IRAK2: variants seen among roughly 807,000 people sequenced by gnomAD.
IRAK2 encodes the protein interleukin-1 receptor-associated kinase-like 2.
Under a neutral mutation model 72.0 loss-of-function variants are expected in IRAK2, and 57 were observed. The observed-to-expected ratio is 0.79, with a 90% confidence interval of 0.64 to 0.99. IRAK2 has a LOEUF of 0.99. IRAK2 is among the 50% of genes least tolerant of loss of function. IRAK2 has a pLI of 0.00. For missense variants in IRAK2, 790 were observed against 794.4 expected, an observed-to-expected ratio of 0.99 and a Z score of 0.07; for synonymous variants, 293 against 312.7, an observed-to-expected ratio of 0.94 and a Z score of 0.67.
intron 10 of IRAK2, among the ~76,000 whole-genome samples, chr3:10,227,982 G>A (rs779903): frequency 0.21 from 31,885 of 151,706 alleles, 4,271 homozygotes; most frequent in East Asian, 0.64. Flanking sequence ...TCTCCTGCTT[G>A]TTTCTTGTGA....
intron 12 of IRAK2, among the ~76,000 whole-genome samples, chr3:10,240,074 G>A (rs942409731): frequency 1.3e-5 from 2 of 151,126 alleles, no homozygotes; most frequent in East Asian, 3.9e-4. Context: ...TTGAACCCAA[G>A]AGGCGGAGGT....
chr3:10,166,213 T>A (rs571890095), intron 1 of IRAK2, among the ~76,000 whole-genome samples: 1 of 152,380 alleles, frequency 6.6e-6, no homozygotes, highest in African/African-American at 2.4e-5. Flanking sequence ...TTTATGACTA[T>A]CAACCTGTTT....
intron 1 of IRAK2, among the ~76,000 whole-genome samples, chr3:10,169,364 A>T (rs1457334486): frequency 6.6e-6 from 1 of 152,188 alleles, no homozygotes; most frequent in Admixed American, 6.6e-5. Flanking sequence ...GCACTGCAGG[A>T]GACCAGGGCA....
intron 2 of IRAK2, among the ~76,000 whole-genome samples, chr3:10,199,272 G>T (rs944714590): frequency 6.6e-6 from 1 of 152,132 alleles, no homozygotes; most frequent in Non-Finnish European, 1.5e-5. Context: ...CACCTTTGGG[G>T]TTTCCCAAGT....
intron 11 of IRAK2, among the ~76,000 whole-genome samples, chr3:10,235,733 G>C (rs1371100647): frequency 6.6e-6 from 1 of 152,114 alleles, no homozygotes; most frequent in African/African-American, 2.4e-5. Context: ...CACTGCTGTA[G>C]CCCAAGCCTC....
Position 10,200,397 on chromosome 3 carries a change from C to T in IRAK2, c.306C>T (p.Pro102=), listed in dbSNP as rs546140387. 1.2e-5 allele frequency: 19 copies of T among 1,599,672 alleles called. No individual in the cohort carries two copies. In the South Asian group the frequency reaches 1.7e-4, roughly 14 times the overall value. The stretch of plus-strand genomic sequence containing the variant: ...AACCGGCTCCTGAAATCAGGTGTCC[C>T]ATTCCAGCCTTCCCTGACTCTGTGA... The part of the protein sequence containing the change: ...NWKPAPEIRC[P]IPAFPDSVKP... The change falls in exon 3 of 13, where the codon CCC becomes CCT. Residue 102 remains proline, a synonymous_variant. Transcript: ENST00000256458.
At chr3:10,200,140 G>A (rs1458514082) in intron 2 of IRAK2, among the ~76,000 whole-genome samples, 1 of 151,822 alleles carries the variant, frequency 6.6e-6, no homozygotes, top group Non-Finnish European at 1.5e-5. Flanking sequence ...CACCCACCTC[G>A]GCCTCCCAAA....
At chr3:10,176,668 G>T (rs748917027) in intron 1 of IRAK2, among the ~76,000 whole-genome samples, 1 of 147,522 alleles carries the variant, frequency 6.8e-6, no homozygotes, top group Non-Finnish European at 1.5e-5. Flanking sequence ...TAGTAGAGAC[G>T]AGGTTTCACC....
At chr3:10,232,903 A>C (rs559348745) in intron 10 of IRAK2, among the ~76,000 whole-genome samples, 45 of 152,104 alleles carry the variant, frequency 3.0e-4, no homozygotes, top group Non-Finnish European at 6.3e-4. Flanking sequence ...ATCTCTACAA[A>C]AAATTTAAAA....
chr3:10,228,483 T>G (rs1697813533), intron 10 of IRAK2, among the ~76,000 whole-genome samples: 1 of 152,152 alleles, frequency 6.6e-6, no homozygotes, highest in African/African-American at 2.4e-5. Context: ...TTGAGATGGA[T>G]TTCCCAGCAG....
intron 1 of IRAK2, among the ~76,000 whole-genome samples, chr3:10,176,388 A>G (rs1696875269): frequency 6.6e-6 from 1 of 151,166 alleles, no homozygotes; most frequent in South Asian, 2.1e-4. Context: ...GCAGCCTCCA[A>G]CTCCTGGGCT....
chr3:10,230,281 A>ACC (rs369885953), intron 10 of IRAK2, among the ~76,000 whole-genome samples: 5 of 144,556 alleles, frequency 3.5e-5, no homozygotes, highest in African/African-American at 5.1e-5. Flanking sequence ...TAATAGTAGT[A>ACC]CCCCCCCCCA....
intron 10 of IRAK2, among the ~76,000 whole-genome samples, chr3:10,230,858 T>C (rs1471502696): frequency 6.6e-6 from 1 of 152,170 alleles, no homozygotes; most frequent in East Asian, 1.9e-4. Context: ...CTTCAATTGA[T>C]TCTCCTGCCT....
At chr3:10,222,418 C>CT (rs1265078797) in intron 8 of IRAK2, among the ~76,000 whole-genome samples, 1 of 152,120 alleles carries the variant, frequency 6.6e-6, no homozygotes. Context: ...GGCAGCAAGA[C>CT]TAAGTCTGAA....
chr3:10,169,982 AGCCGGTCCTGTTCGGG>A (rs1284046024), intron 1 of IRAK2, among the ~76,000 whole-genome samples: 2 of 152,220 alleles, frequency 1.3e-5, no homozygotes, highest in African/African-American at 4.8e-5. Context: ...CCGTGGCTTC[AGCCGGTCCTGTTCGGG>A]GCCCCTGACT....
intron 10 of IRAK2, among the ~76,000 whole-genome samples, chr3:10,227,185 C>T (rs556740134): frequency 3.3e-5 from 5 of 152,234 alleles, no homozygotes; most frequent in South Asian, 2.1e-4. Context: ...GTGGCTCACA[C>T]CTCTAATCCC....
chr3:10,175,276 G>A (rs1719572), intron 1 of IRAK2, among the ~76,000 whole-genome samples: 31,462 of 151,814 alleles, frequency 0.21, 4,336 homozygotes, highest in Non-Finnish European at 0.3. Context: ...ACAGGCGTGT[G>A]TTACCACACC....
chr3:10,218,307 C>G (rs1697636025), intron 7 of IRAK2, among the ~76,000 whole-genome samples: 1 of 151,764 alleles, frequency 6.6e-6, no homozygotes, highest in Non-Finnish European at 1.5e-5. Flanking sequence ...GCCTGTAGTA[C>G]CAGCTACTGA....
At chr3:10,210,886 G>A (rs1447986785) in intron 4 of IRAK2, among the ~76,000 whole-genome samples, 1 of 152,080 alleles carries the variant, frequency 6.6e-6, no homozygotes, top group Non-Finnish European at 1.5e-5. Flanking sequence ...TTTTTGAGGA[G>A]TCTCGCTCCA....
Sources: allele counts gnomAD v4.1 joint callset (sites outside exome capture counted in the v4.1 genomes callset), GRCh38; gene constraint gnomAD v4.1.1; transcripts MANE v1.5; gene names NCBI Gene and HGNC (gene_info 2026-07-23, HGNC 2026-07-21).